Variants in PTPRG observed in about 807,000 individuals in gnomAD.
PTPRG encodes receptor-type tyrosine-protein phosphatase gamma.
Under a neutral mutation model 165.3 loss-of-function variants are expected in PTPRG, and 102 were observed. That is an observed-to-expected ratio of 0.62 (90% confidence interval 0.53 to 0.73). PTPRG has a LOEUF of 0.73. Ranked by LOEUF, PTPRG falls within the 30% of genes least tolerant of loss-of-function variation. The pLI, the probability that PTPRG is intolerant of heterozygous loss-of-function variation, is 0.00. For missense variants in PTPRG, 1,866 were observed against 1,861.4 expected (o/e 1.00, Z -0.05); for synonymous variants, 675 against 669.5 (o/e 1.01, Z -0.13).
chr3:62,223,005 T>C (rs1335370930), intron 13 of PTPRG, among the ~76,000 whole-genome samples: 2 of 152,126 alleles, frequency 1.3e-5, no homozygotes, highest in African/African-American at 2.4e-5. Context: ...CTGGAGGACC[T>C]GGGCCTTGAA....
At chr3:62,019,328 C>G (rs1387602635) in intron 4 of PTPRG, among the ~76,000 whole-genome samples, 1 of 151,976 alleles carries the variant, frequency 6.6e-6, no homozygotes, top group African/African-American at 2.4e-5. Context: ...TTGAGACCAC[C>G]CTGGGCTACA....
In PTPRG at chr3:62,233,446, G is replaced by GA. The variant is rs1389157000; in HGVS notation, c.2375+2135_2375+2136insA. 1.3e-5 allele frequency among the ~76,000 whole-genome samples: 2 copies of GA among 152,146 alleles called. No homozygotes were observed. Among genetic ancestry groups the GA allele is most frequent in the African/African-American group, 4.8e-5 (2 of 41,434 alleles). On this transcript the variant is annotated intron_variant, in intron 14 of 29. Coordinates refer to ENST00000474889, the MANE Select transcript of PTPRG (RefSeq NM_002841.4). This position sits in a 1 kb window ranked among gnomAD's most constrained non-coding sequence, Gnocchi z 4.7. ...TTCTATAAAAGGGCTTTGAAAGACA[G>GA]GGTGCCCCCTACCTCTGTCAGGCTT...
intron 1 of PTPRG, among the ~76,000 whole-genome samples, chr3:61,719,398 T>A (rs535526197): frequency 2.2e-4 from 34 of 152,142 alleles, no homozygotes; most frequent in Non-Finnish European, 3.8e-4. Context: ...GGTCTTTTCT[T>A]GCTAAAGTGT....
chr3:61,935,877 G>C (rs1015968635), intron 2 of PTPRG, among the ~76,000 whole-genome samples: 3 of 105,474 alleles, frequency 2.8e-5, no homozygotes, highest in Admixed American at 2.6e-4. Flanking sequence ...ATAACTGCTT[G>C]GTTTAAATGA....
chr3:61,676,471 A>AAAAAAAAAAAAAAAAAAAAAAAGAAAG (rs369505317), intron 1 of PTPRG, among the ~76,000 whole-genome samples: 2 of 99,102 alleles, frequency 2.0e-5, no homozygotes, highest in Admixed American at 1.3e-4. Flanking sequence ...AAAAAAAAAA[A>AAAAAAAAAAAAAAAAAAAAAAAGAAAG]AAAGAAAATT....
At chr3:61,993,573 A>G (rs1396308989) in intron 3 of PTPRG, among the ~76,000 whole-genome samples, 2 of 152,188 alleles carry the variant, frequency 1.3e-5, no homozygotes, top group African/African-American at 4.8e-5. Context: ...TAAAGGGCTC[A>G]TGGTATCTGT....
chr3:61,733,946 T>C (rs2032621009), intron 1 of PTPRG, among the ~76,000 whole-genome samples: 1 of 152,114 alleles, frequency 6.6e-6, no homozygotes, highest in African/African-American at 2.4e-5. Flanking sequence ...TACAGGTGCA[T>C]ATCACCATAC....
chr3:62,286,696 T>C (rs953134165), intron 28 of PTPRG, among the ~76,000 whole-genome samples: 1 of 152,134 alleles, frequency 6.6e-6, no homozygotes, highest in Non-Finnish European at 1.5e-5. Flanking sequence ...AAATAAGCAT[T>C]ACTTTTAATG....
At chr3:62,147,633 A>T (rs1232367527) in intron 6 of PTPRG, among the ~76,000 whole-genome samples, 1 of 152,192 alleles carries the variant, frequency 6.6e-6, no homozygotes, top group African/African-American at 2.4e-5. Flanking sequence ...GATGAGGAAA[A>T]CAGTATCTGG....
chr3:62,189,258 C>T lies in PTPRG; in HGVS notation c.1034-2211C>T, dbSNP rs546728913. Among the ~76,000 whole-genome samples the T allele has an allele frequency of 5.9e-5, 9 of 152,220 alleles. No individual in the cohort carries two copies. The East Asian group carries it at 1.7e-3, about 29-fold the overall frequency. On this transcript the variant is annotated intron_variant, in intron 8 of 29. Coordinates refer to ENST00000474889, the MANE Select transcript of PTPRG (RefSeq NM_002841.4). ...CCTTACCAACTGAACTGGGGTTTGG[C>T]AGTTGAAGAGTAAAAGGTGGCCTCC...
At position 61,816,732 on chromosome 3, in the gene PTPRG, G is replaced by C. The variant is rs1369564331; in HGVS notation, c.190+67750G>C. Among the ~76,000 whole-genome samples, 3 of 151,716 alleles carry C rather than the reference G, an allele frequency of 2.0e-5. No individual in the cohort carries two copies. The Admixed American group carries it at 2.0e-4, about 10-fold the overall frequency. ...GCACATGGATGGCTGTTTTTGCAGC[G>C]GTCTTGATGAGATATGATGAAAGTT... On this transcript the variant is annotated intron_variant, in intron 2 of 29. Coordinates refer to ENST00000474889, the MANE Select transcript of PTPRG (RefSeq NM_002841.4).
intron 7 of PTPRG, among the ~76,000 whole-genome samples, chr3:62,160,515 A>G (rs192630267): frequency 6.6e-6 from 1 of 152,386 alleles, no homozygotes. Flanking sequence ...ACCCCAACAA[A>G]ATGGCAGCAC....
At chr3:62,024,216 A>G (rs2107767107) in intron 4 of PTPRG, among the ~76,000 whole-genome samples, 2 of 152,264 alleles carry the variant, frequency 1.3e-5, no homozygotes, top group South Asian at 4.1e-4. Context: ...ACTATTTTCT[A>G]GATGTTCACT....
chr3:62,266,215 G>A (rs1051426021), intron 17 of PTPRG, among the ~76,000 whole-genome samples: 39 of 152,230 alleles, frequency 2.6e-4, no homozygotes, highest in Non-Finnish European at 5.9e-5. Flanking sequence ...CAGATTCTGG[G>A]CACATTGCCT....
chr3:61,572,130 G>T (rs7644039), intron 1 of PTPRG, among the ~76,000 whole-genome samples: 1 of 152,168 alleles, frequency 6.6e-6, no homozygotes, highest in Non-Finnish European at 1.5e-5. Context: ...TTCCTAAGGC[G>T]TTGAGAACCC....
At chr3:61,905,079 CT>C (rs1436275393) in intron 2 of PTPRG, among the ~76,000 whole-genome samples, 1 of 152,140 alleles carries the variant, frequency 6.6e-6, no homozygotes, top group Non-Finnish European at 1.5e-5. Context: ...TTCATTCTCC[CT>C]GCTCGAAAGA....
At chr3:61,887,162 A>ATATATATT (rs1559670248) in intron 2 of PTPRG, among the ~76,000 whole-genome samples, 4 of 89,208 alleles carry the variant, frequency 4.5e-5, no homozygotes, top group Non-Finnish European at 1.0e-4. Flanking sequence ...ATATATATAT[A>ATATATATT]TATATATATT....
chr3:61,612,690 T>G (rs566668207), intron 1 of PTPRG, among the ~76,000 whole-genome samples: 1 of 152,200 alleles, frequency 6.6e-6, no homozygotes, highest in African/African-American at 2.4e-5. Flanking sequence ...TGCAACACTT[T>G]AGAGTTCTTG....
intron 6 of PTPRG, among the ~76,000 whole-genome samples, chr3:62,150,916 A>G (rs375102306): frequency 2.0e-5 from 3 of 152,314 alleles, no homozygotes. Context: ...TGATTACTGC[A>G]CAGGTCTCTT....
Sources: allele counts gnomAD v4.1 joint callset (sites outside exome capture counted in the v4.1 genomes callset), GRCh38; gene constraint gnomAD v4.1.1; non-coding constraint Gnocchi (gnomAD v3.1); transcripts MANE v1.5; gene names NCBI Gene and HGNC (gene_info 2026-07-23, HGNC 2026-07-21).